Variants in ZNF652 observed in about 807,000 individuals in gnomAD.
ZNF652 encodes the protein zinc finger protein 652.
In ZNF652, 16 loss-of-function variants were observed where a neutral mutation model predicts 45.2. The ratio of observed to expected loss-of-function variants is 0.35; its 90% CI spans 0.24 to 0.54. The LOEUF is 0.54. ZNF652 is among the 20% of genes least tolerant of loss of function. The pLI is 0.91. For synonymous variants in ZNF652, 250 were observed against 260.6 expected (o/e 0.96, Z 0.39); for missense variants, 614 against 765.6 (o/e 0.80, Z 2.34).
At chr17:49,355,882 T>C (rs1055114044) in intron 1 of ZNF652, among the ~76,000 whole-genome samples, 8 of 151,574 alleles carry the variant, frequency 5.3e-5, no homozygotes, top group East Asian at 2.0e-4. Context: ...CTGGGCAACA[T>C]AGCGAGACAC....
chr17:49,327,752 TA>T (rs2069974506), intron 1 of ZNF652, among the ~76,000 whole-genome samples: 9 of 5,022 alleles, frequency 1.8e-3, no homozygotes, highest in East Asian at 0.018. Flanking sequence ...TATATATATA[TA>T]TATATATATA....
chr17:49,314,425 G>A (rs965864605), intron 2 of ZNF652, among the ~76,000 whole-genome samples: 5 of 152,218 alleles, frequency 3.3e-5, no homozygotes, highest in Non-Finnish European at 7.4e-5. Flanking sequence ...CTCCCAAAGT[G>A]CTGGGATTAC....
chr17:49,317,530 T>G lies in ZNF652; in HGVS notation c.196A>C (p.Lys66Gln). 2 of 1,614,156 alleles carry G rather than the reference T, an allele frequency of 1.2e-6. No homozygotes were observed. The highest frequency in any genetic ancestry group is 1.7e-6 in the Non-Finnish European group (2 of 1,180,002). ...GSPYSVLVDT[K>Q]MSKPHLHETE... ...TCATGGAGATGCGGTTTGCTCATCT[T>G]GGTGTCCACTAACACAGAATAAGGA... The change falls in exon 2 of 6, where the codon AAG becomes CAG. Residue 66 changes from lysine (K) to glutamine (Q), a missense_variant. Physicochemically the swap from Lys to Gln is moderately conservative, Grantham distance 53. This residue lies in a region of ZNF652 where 133 missense variants were observed against 132.2 expected (regional missense o/e 1.01). Coordinates refer to ENST00000430262, the MANE Select transcript of ZNF652 (RefSeq NM_001145365.3).
At chr17:49,302,292 A>ATT (rs35962100) in intron 5 of ZNF652, among the ~76,000 whole-genome samples, 61 of 138,764 alleles carry the variant, frequency 4.4e-4, no homozygotes, top group East Asian at 6.6e-4. Flanking sequence ...TAGAAATGTA[A>ATT]TTTTTTTTTT....
chr17:49,306,866 C>T (rs1196540786), intron 5 of ZNF652, among the ~76,000 whole-genome samples: 2 of 152,122 alleles, frequency 1.3e-5, no homozygotes, highest in African/African-American at 4.8e-5. Flanking sequence ...GATTCTCCTG[C>T]CTCAGCCTCT....
In ZNF652 at chr17:49,293,676, A is replaced by G. The variant is rs1010964668; in HGVS notation, c.*4737T>C. On this transcript the variant is annotated 3_prime_UTR_variant, in exon 6 of 6. Transcript: ENST00000430262. ...TTCCTAAAAAAAAAAAAAAAAAAAAAAAAAAAAAACTCTTAAGTAATTTCC... is the reference window on the plus strand; with the variant it reads ...TTCCTAAAAAAAAAAAAAAAAAAAAGAAAAAAAAACTCTTAAGTAATTTCC... 4.1e-5 allele frequency among the ~76,000 whole-genome samples: 6 copies of G among 147,334 alleles called. No homozygotes were observed. Among genetic ancestry groups the G allele is most frequent in the African/African-American group, 7.8e-5 (3 of 38,704 alleles).
At chr17:49,335,743 T>G (rs182376846) in intron 1 of ZNF652, among the ~76,000 whole-genome samples, 2 of 152,190 alleles carry the variant, frequency 1.3e-5, no homozygotes, top group African/African-American at 4.8e-5. Context: ...TTGGAGATAC[T>G]TGGGTTAAGA....
At chr17:49,334,410 G>C (rs929797579) in intron 1 of ZNF652, among the ~76,000 whole-genome samples, 2 of 152,044 alleles carry the variant, frequency 1.3e-5, no homozygotes, top group Non-Finnish European at 2.9e-5. Context: ...CTTGAGCCTG[G>C]GAGGTTGAGG....
intron 5 of ZNF652, among the ~76,000 whole-genome samples, chr17:49,305,577 C>A (rs2069618175): frequency 6.6e-6 from 1 of 152,138 alleles, no homozygotes; most frequent in African/African-American, 2.4e-5. Context: ...GTGCTTACAA[C>A]AGTATCTGGT....
chr17:49,312,964 G>T, intron 2 of ZNF652, 119 bp from the exon 3 acceptor site: 3 of 960,402 alleles, frequency 3.1e-6, no homozygotes, highest in Non-Finnish European at 4.6e-6. Context: ...CCAGATAAGT[G>T]CTATTCTTCC....
intron 1 of ZNF652, among the ~76,000 whole-genome samples, chr17:49,318,863 G>A (rs2069848011): frequency 6.6e-6 from 1 of 152,110 alleles, no homozygotes; most frequent in Admixed American, 6.6e-5. Flanking sequence ...AAATGTCCTT[G>A]GCCTTAAATC....
intron 1 of ZNF652, among the ~76,000 whole-genome samples, chr17:49,332,183 G>C (rs2070032304): frequency 6.6e-6 from 1 of 151,852 alleles, no homozygotes; most frequent in Non-Finnish European, 1.5e-5. Context: ...CAGGAGAGTT[G>C]CTTGAACACA....
intron 5 of ZNF652, among the ~76,000 whole-genome samples, chr17:49,305,971 G>C (rs1334468459): frequency 6.6e-6 from 1 of 152,176 alleles, no homozygotes; most frequent in Non-Finnish European, 1.5e-5. Context: ...CAGCCTTAGA[G>C]ACCTATCCGC....
rs2069831224 is a variant in ZNF652, at chr17:49,317,750, C to T, written c.-25G>A. 6.5e-7 allele frequency: 1 copy of T among 1,550,216 alleles called. No individual in the cohort carries two copies. The highest frequency in any genetic ancestry group is 1.4e-5 in the African/African-American group (1 of 73,016). On this transcript the variant is annotated 5_prime_UTR_variant, in exon 2 of 6. Transcript: ENST00000430262. ...TTGGTAAGTGGCCCAATTTATTAAA[C>T]AGTTCAGACTATAAAGAAATAGCTT...
chr17:49,303,327 G>A (rs1315076337), intron 5 of ZNF652, among the ~76,000 whole-genome samples: 2 of 137,610 alleles, frequency 1.5e-5, no homozygotes, highest in African/African-American at 5.6e-5. Context: ...TGCAACCTCC[G>A]CCTTCTGGGT....
intron 1 of ZNF652, among the ~76,000 whole-genome samples, chr17:49,322,208 T>C (rs1010188969): frequency 6.6e-6 from 1 of 152,228 alleles, no homozygotes; most frequent in African/African-American, 2.4e-5. Context: ...TCAAATGCTA[T>C]TAGTAAATAG....
intron 1 of ZNF652, among the ~76,000 whole-genome samples, chr17:49,356,549 G>T (rs1354032103): frequency 1.3e-5 from 2 of 148,986 alleles, no homozygotes; most frequent in African/African-American, 2.5e-5. Context: ...AATTTTGTTT[G>T]TTTAGTCATT....
At chr17:49,341,639 G>A (rs2070148001) in intron 1 of ZNF652, among the ~76,000 whole-genome samples, 1 of 152,000 alleles carries the variant, frequency 6.6e-6, no homozygotes, top group South Asian at 2.1e-4. Context: ...ACTCTGGCCT[G>A]GGCAACAGCA....
rs547349520 is a variant in ZNF652 at position 49,296,077 on chromosome 17, T to G, written c.*2336A>C. ...TGATATGTCTATATAAAAGTGTAGGTTGACAAACTTGTCATGGAATGCCAA... is the reference window on the plus strand; with the variant it reads ...TGATATGTCTATATAAAAGTGTAGGGTGACAAACTTGTCATGGAATGCCAA... On this transcript the variant is annotated 3_prime_UTR_variant, in exon 6 of 6. Coordinates refer to ENST00000430262, the MANE Select transcript of ZNF652 (RefSeq NM_001145365.3). 1 of 152,046 alleles carries G rather than the reference T, an allele frequency of 6.6e-6. No homozygotes were observed. The highest frequency in any genetic ancestry group is 2.1e-4 in the South Asian group (1 of 4,814). The allele number at this position is 152,046 out of a possible 1,614,324, so 9.4% of individuals were successfully genotyped here. A position where few individuals can be genotyped will look rare whatever the true frequency, so the allele number is the denominator to read the frequency against.
Sources: allele counts gnomAD v4.1 joint callset (sites outside exome capture counted in the v4.1 genomes callset), GRCh38; gene constraint gnomAD v4.1.1; regional missense constraint gnomAD v4.1.1; transcripts MANE v1.5; gene names NCBI Gene and HGNC (gene_info 2026-07-23, HGNC 2026-07-21).